The following WDR83 variants were observed in gnomAD, a reference collection of about 807,000 sequenced individuals.
WDR83 encodes WD repeat domain 83.
In WDR83, 37 loss-of-function variants were observed where a neutral mutation model predicts 37.7. The observed-to-expected ratio is 0.98, with a 90% CI of 0.76 to 1.29. The LOEUF (loss-of-function observed/expected upper bound fraction) is 1.29. Among genes scored for constraint, WDR83 ranks in the 50% most tolerant of loss-of-function variants. WDR83 has a pLI of 0.00. For missense variants in WDR83, 445 were observed against 414.4 expected (o/e 1.07, Z -0.64); for synonymous variants, 174 against 181.1 (o/e 0.96, Z 0.31).
At chr19:12,668,120 G>A in intron 1 of WDR83, 1 of 499,648 alleles carries the variant, frequency 2.0e-6, no homozygotes, top group South Asian at 2.4e-5. Context: ...GAAAGCAAAT[G>A]AATACCCCTA....
intron 3 of WDR83, 37 bp from the exon 4 acceptor site, chr19:12,669,940 A>G: frequency 6.2e-7 from 1 of 1,602,676 alleles, no homozygotes. Flanking sequence ...GCCTCCTGAG[A>G]TCGACGGCCC....
At chr19:12,670,493 C>T (rs1242073071) in intron 5 of WDR83, 70 bp from the exon 6 acceptor site, 1 of 1,610,310 alleles carries the variant, frequency 6.2e-7, no homozygotes, top group African/African-American at 1.3e-5. Context: ...CTTTAACCGA[C>T]ACTGGGAACC....
chr19:12,670,384 C>T (rs1258356173), intron 5 of WDR83, 99 bp downstream of exon 5: 15 of 1,507,630 alleles, frequency 9.9e-6, no homozygotes, highest in South Asian at 4.9e-5. Flanking sequence ...AGGATCCCTT[C>T]CCCAGATGAC....
chr19:12,674,732 A>G (rs75481365), intron 10 of WDR83, among the ~76,000 whole-genome samples: 5,339 of 152,236 alleles, frequency 0.035, 320 homozygotes, highest in African/African-American at 0.12. Flanking sequence ...CATGCTCCAA[A>G]CATGGTAGTG....
In WDR83 at chr19:12,670,236, G is replaced by A; in HGVS notation, c.281G>A (p.Trp94Ter). Residue 94 changes from tryptophan (W) to a stop codon, truncating the protein, a stop_gained, in exon 5 of 11, where the codon TGG becomes TAG. Transcript: ENST00000418543. LOFTEE classifies it high-confidence loss of function. ...GGCGGGGACAAGGCGGTGGTTCTGT[G>A]GGATGTGGCATCAGGGCAGGTCGTG... ...SGGGDKAVVL[W>*]DVASGQVVRK... is the part of the protein sequence containing the mutation. 1 of 1,614,126 alleles carries A rather than the reference G, an allele frequency of 6.2e-7. No homozygotes were observed. The highest frequency in any genetic ancestry group is 1.3e-5 in the African/African-American group (1 of 75,020).
At position 12,670,611 on chromosome 19, in the gene WDR83, G is replaced by A. The variant is rs749052560; in HGVS notation, c.379G>A (p.Gly127Ser). Residue 127 changes from glycine to serine, a missense_variant and splice_region_variant, in exon 6 of 11, where the codon GGC (glycine) becomes AGC (serine). By Grantham distance (56) the Gly-to-Ser change is moderately conservative (BLOSUM62 0). Transcript: ENST00000418543. The stretch of plus-strand genomic sequence containing the variant: ...TGAAGAGGCCACAGTTATCCTGTCC[G>A]GTGAGTCTGGGGCCTAAGCACGGGG... Reference protein sequence around the residue: ...FNEEATVILSGSIDSSIRCWD... With the variant: ...FNEEATVILSSSIDSSIRCWD... The A allele has an allele frequency of 2.5e-6, 4 of 1,614,210 alleles. No individual in the cohort carries two copies. Among genetic ancestry groups the A allele is most frequent in the Non-Finnish European group, 3.4e-6 (4 of 1,180,040 alleles).
At chr19:12,669,618 G>T in intron 2 of WDR83, 137 bp from the exon 3 acceptor site, 1 of 911,378 alleles carries the variant, frequency 1.1e-6, no homozygotes, top group Non-Finnish European at 1.6e-6. Context: ...CTGAAAGCGG[G>T]CTTCAATAGT....
chr19:12,668,918 G>A (rs2024330723), intron 2 of WDR83, among the ~76,000 whole-genome samples: 1 of 152,130 alleles, frequency 6.6e-6, no homozygotes, highest in Non-Finnish European at 1.5e-5. Flanking sequence ...CCCACTCGCA[G>A]ACCAATCTGC....
intron 2 of WDR83, chr19:12,669,406 C>T (rs767598188): frequency 1.3e-6 from 2 of 1,594,258 alleles, no homozygotes; most frequent in Non-Finnish European, 8.5e-7. Context: ...GTGGACATAG[C>T]GAGTCGAAGG....
intron 2 of WDR83, 141 bp from the exon 3 acceptor site, chr19:12,669,614 G>A (rs1228085339): frequency 5.5e-6 from 5 of 912,114 alleles, no homozygotes; most frequent in Middle Eastern, 3.2e-4. Flanking sequence ...GAACCTGAAA[G>A]CGGGCTTCAA....
chr19:12,669,829 G>A lies in WDR83; in HGVS notation c.39G>A (p.Leu13=), dbSNP rs200134941. The part of the protein sequence containing the change: ...FPEPKPRPPE[L]PQKRLKTLDC... ...AGCCAAAGCCGCGGCCTCCAGAGCTGCCGCAGAAACGGTTGAAGACGCTGG... is the reference window on the plus strand; with the variant it reads ...AGCCAAAGCCGCGGCCTCCAGAGCTACCGCAGAAACGGTTGAAGACGCTGG... The change falls in exon 3 of 11, where the codon CTG becomes CTA. Residue 13 remains leucine, a synonymous_variant. Transcript: ENST00000418543. The A allele has an allele frequency of 1.9e-6, 3 of 1,612,028 alleles. No homozygotes were observed. In the Admixed American group the frequency reaches 5.0e-5, roughly 27 times the overall value.
At chr19:12,670,953 G>A (rs2024397272) in intron 7 of WDR83, 132 bp downstream of exon 7, 5 of 1,371,156 alleles carry the variant, frequency 3.6e-6, no homozygotes, top group Non-Finnish European at 3.9e-6. Flanking sequence ...TTGGGAGGCT[G>A]AAGTGGAAGG....
chr19:12,669,855 A>T lies in WDR83; in HGVS notation c.65A>T (p.Asp22Val), dbSNP rs2024358056. 6.2e-7 allele frequency: 1 copy of T among 1,612,008 alleles called. No individual in the cohort carries two copies. The highest frequency in any genetic ancestry group is 1.1e-5 in the South Asian group (1 of 90,888). The change falls in exon 3 of 11, where the codon GAC becomes GTC. Residue 22 changes from aspartate (D) to valine (V), a missense_variant. Physicochemically the swap from Asp to Val is radical, Grantham distance 152. Coordinates refer to ENST00000418543, the MANE Select transcript of WDR83 (RefSeq NM_001099737.3). Reference protein sequence around the residue: ...ELPQKRLKTLDCGQGAVRAVR... With the variant: ...ELPQKRLKTLVCGQGAVRAVR... ...CCGCAGAAACGGTTGAAGACGCTGG[A>T]CTGCGGGCAGGGGGCAGTGCGAGCC...
In WDR83 at chr19:12,670,075, T is replaced by C; in HGVS notation, c.202T>C (p.Tyr68His). The change falls in exon 4 of 11, where the codon TAC (tyrosine) becomes CAC (histidine). Residue 68 changes from tyrosine to histidine, a missense_variant. Transcript: ENST00000418543. ...TLLRTYSGHG[Y>H]EVLDAAGSFD... ...GCTGCGGACGTACAGCGGCCACGGC[T>C]ACGAGGTGCTGGATGCGGCCGGGTG... 1 of 1,611,940 alleles carries C rather than the reference T, an allele frequency of 6.2e-7. No individual in the cohort carries two copies. Among genetic ancestry groups the C allele is most frequent in the South Asian group, 1.1e-5 (1 of 91,028 alleles).
At chr19:12,675,303 C>T (rs2024541116) in intron 10 of WDR83, among the ~76,000 whole-genome samples, 1 of 152,174 alleles carries the variant, frequency 6.6e-6, no homozygotes, top group Non-Finnish European at 1.5e-5. Flanking sequence ...GCTCCCAAGA[C>T]TTGCGGCCTG....
chr19:12,669,509 C>A, intron 2 of WDR83: 1 of 1,378,104 alleles, frequency 7.3e-7, no homozygotes, highest in South Asian at 1.3e-5. Flanking sequence ...CTCGCATTTC[C>A]GTTCCTCATG....
At chr19:12,668,333 C>G in intron 1 of WDR83, 175 bp from the exon 2 acceptor site, 1 of 1,600,372 alleles carries the variant, frequency 6.2e-7, no homozygotes, top group Admixed American at 1.8e-5. Flanking sequence ...AGACAGGGTC[C>G]AAAATGTGAC....
In WDR83 at chr19:12,669,766, G is replaced by A; in HGVS notation, c.-25G>A. 1.3e-6 allele frequency: 2 copies of A among 1,564,350 alleles called. No individual in the cohort carries two copies. The highest frequency in any genetic ancestry group is 2.0e-5 in the Admixed American group (1 of 51,046). On this transcript the variant is annotated 5_prime_UTR_variant, in exon 3 of 11. Transcript: ENST00000418543. ...AATTTTCCGTACAGACCGATTTAAG[G>A]CTGCAAGGAAGGAGTCCTGGGAGCA...
Position 12,675,570 on chromosome 19 carries a change from G to T in WDR83, c.846G>T (p.Ser282=). 1 of 1,606,074 alleles carries T rather than the reference G, an allele frequency of 6.2e-7. No individual in the cohort carries two copies. The change falls in exon 11 of 11, where the codon TCG becomes TCT. Residue 282 remains serine, a synonymous_variant. Transcript: ENST00000418543. ...CTGTGGGTTCCGGTGTGGTGCAGTC[G>T]CTGGCCTACCACCCAACAGAGCCCT... ...ALPVGSGVVQ[S]LAYHPTEPCL...
Sources: gnomAD v4.1 joint callset for allele counts (sites outside exome capture counted in the v4.1 genomes callset) on GRCh38, gnomAD v4.1.1 for gene constraint, MANE v1.5 for transcripts, NCBI Gene and HGNC (gene_info 2026-07-23, HGNC 2026-07-21) for gene names.